The following MKI67 variants were observed in gnomAD, a reference collection of about 807,000 sequenced individuals.
MKI67 encodes proliferation marker protein Ki-67.
MKI67 carries 152 observed loss-of-function variants against 233.5 expected under a neutral mutation model. That is an observed-to-expected ratio of 0.65 (90% CI 0.57 to 0.74). MKI67 has a LOEUF of 0.74. Ranked by LOEUF, MKI67 falls within the 30% of genes least tolerant of loss-of-function variation. The probability of loss-of-function intolerance (pLI) is 0.00; values close to 1 mark genes in which losing one functional copy is unlikely to be tolerated. For synonymous variants in MKI67, 1,465 were observed against 1,418.5 expected (o/e 1.03, Z -0.74); for missense variants, 3,940 against 3,885.2 (o/e 1.01, Z -0.37).
Position 128,107,125 on chromosome 10 carries a change from T to C in MKI67, c.4715A>G (p.Lys1572Arg). The change falls in exon 13 of 15, where the codon AAG becomes AGG. Residue 1572 changes from lysine to arginine, a missense_variant. Coordinates refer to ENST00000368654, the MANE Select transcript of MKI67 (RefSeq NM_002417.5). ...TTCCTTAGGAGTTTGTAGCCGTCTC[T>C]TGCTGCCAGTTAAGTTCTCTGTCAG... ...LDLTENLTGS[K>R]RRLQTPKEKA... 2 of 1,613,558 alleles carry C rather than the reference T, an allele frequency of 1.2e-6. No homozygotes were observed. The highest frequency in any genetic ancestry group is 2.2e-5 in the East Asian group (1 of 44,798).
chr10:128,125,504 G>C lies in MKI67; in HGVS notation c.92+72C>G. 6 of 1,272,822 alleles carry C rather than the reference G, an allele frequency of 4.7e-6. No individual in the cohort carries two copies. Among genetic ancestry groups the C allele is most frequent in the Non-Finnish European group, 6.9e-6 (6 of 875,280 alleles). The allele number at this position is 1,272,822 out of a possible 1,614,324, so 78.8% of individuals were successfully genotyped here. On this transcript the variant is annotated intron_variant, in intron 2 of 14. Transcript: ENST00000368654. This position sits in a 1 kb window ranked among gnomAD's most constrained non-coding sequence, Gnocchi z 5.3. ...GGACCCAATCCTAGAGCGCGTTTCT[G>C]GACTTTATTCTGTGACTAAGGTATT...
chr10:128,109,318 A>G lies in MKI67; in HGVS notation c.2522T>C (p.Val841Ala). The change falls in exon 13 of 15, where the codon GTA (valine) becomes GCA (alanine). Residue 841 changes from valine (V) to alanine (A), a missense_variant. By Grantham distance (64) the Val-to-Ala change is moderately conservative (BLOSUM62 0). Transcript: ENST00000368654. Reference sequence around the variant, plus strand: ...GTAGGTGTTCCTGGGCGTTTTTGCTACGTTTCCATTTTCTCTAATACACTG... The same window carrying G: ...GTAGGTGTTCCTGGGCGTTTTTGCTGCGTTTCCATTTTCTCTAATACACTG... ...RRQCIRENGN[V>A]AKTPRNTYKM... 6.2e-7 allele frequency: 1 copy of G among 1,614,146 alleles called. No homozygotes were observed. Among genetic ancestry groups the G allele is most frequent in the Non-Finnish European group, 8.5e-7 (1 of 1,180,024 alleles).
Position 128,106,405 on chromosome 10 carries a change from A to G in MKI67, c.5435T>C (p.Leu1812Ser), listed in dbSNP as rs770595660. Residue 1812 changes from leucine (L) to serine (S), a missense_variant, in exon 13 of 15, where the codon TTA (leucine) becomes TCA (serine). Coordinates refer to ENST00000368654, the MANE Select transcript of MKI67 (RefSeq NM_002417.5). ...PVQKLDQPGNLPGSNRRLQTR... is the reference protein window; with the variant it reads ...PVQKLDQPGNSPGSNRRLQTR... ...TTGTAGCCGTCTATTGCTGCCAGGT[A>G]AATTTCCTGGCTGGTCCAGTTTCTG... 68 of 1,612,766 alleles carry G rather than the reference A, an allele frequency of 4.2e-5. No homozygotes were observed. The highest frequency in any genetic ancestry group is 5.7e-5 in the Non-Finnish European group (67 of 1,179,780).
At chr10:128,109,536 AACG>A in intron 12 of MKI67, 113 bp from the exon 13 acceptor site, 2 of 1,156,974 alleles carry the variant, frequency 1.7e-6, no homozygotes, top group Non-Finnish European at 2.4e-6. Context: ...GTATTCACTG[AACG>A]ACATGAGGCT....
At position 128,105,810 on chromosome 10, in the gene MKI67, T is replaced by C. The variant is rs1197242956; in HGVS notation, c.6030A>G (p.Glu2010=). Residue 2010 remains glutamate (E), a synonymous_variant, in exon 13 of 15, where the codon GAA becomes GAG. Coordinates refer to ENST00000368654, the MANE Select transcript of MKI67 (RefSeq NM_002417.5). ...TGAGCTTGCCGACTGGTAGGACCTC[T>C]TCTTTCACACCTACTTTCCCCAAGG... ...KISLGKVGVK[E]EVLPVGKLTQ... 3.1e-6 allele frequency: 5 copies of C among 1,614,220 alleles called. No individual in the cohort carries two copies. The Admixed American group carries it at 8.3e-5, about 27-fold the overall frequency.
intron 11 of MKI67, 52 bp from the exon 12 acceptor site, chr10:128,110,585 C>CA (rs1480565915): frequency 7.1e-7 from 1 of 1,412,542 alleles, no homozygotes; most frequent in Non-Finnish European, 9.7e-7. Flanking sequence ...AACATGCAGA[C>CA]AACCATCCCA....
At chr10:128,113,182 G>T (rs1485671109) in intron 8 of MKI67, among the ~76,000 whole-genome samples, 3 of 150,658 alleles carry the variant, frequency 2.0e-5, no homozygotes, top group African/African-American at 7.3e-5. Flanking sequence ...GGGAACTTCT[G>T]CACGAAAAGG....
At position 128,108,626 on chromosome 10, in the gene MKI67, GA is replaced by G; in HGVS notation, c.3213del (p.Pro1072GlnfsTer11). The G allele has an allele frequency of 6.2e-7, 1 of 1,614,170 alleles. No homozygotes were observed. The highest frequency in any genetic ancestry group is 8.5e-7 in the Non-Finnish European group (1 of 1,180,022). ...GCTGCTGGGTCCAGGATCTGCTTTG[GA>G]GACTCCTTAAACGTTCTGATGCTCT... ...DGKSIRTFKE[S>X]PKQILDPAAR... On this transcript the variant is annotated frameshift_variant, in exon 13 of 15. Transcript: ENST00000368654. LOFTEE classifies it high-confidence loss of function.
intron 13 of MKI67, among the ~76,000 whole-genome samples, chr10:128,101,910 C>G (rs1469388249): frequency 1.3e-5 from 2 of 152,044 alleles, no homozygotes; most frequent in Non-Finnish European, 2.9e-5. Context: ...TCTCTGCTGA[C>G]AAATTATAAA....
At position 128,102,799 on chromosome 10, in the gene MKI67, C is replaced by T. The variant is rs761903387; in HGVS notation, c.9041G>A (p.Cys3014Tyr). Residue 3014 changes from cysteine (C) to tyrosine (Y), a missense_variant, in exon 13 of 15, where the codon TGC (cysteine) becomes TAC (tyrosine). Transcript: ENST00000368654. ...GSVTGTKRLR[C>Y]MPAPEEIVEE... ...CACAATTTCCTCTGGTGCTGGCATGCAGCGCAGCCTCTTGGTTCCCGTGAC... is the reference window on the plus strand; with the variant it reads ...CACAATTTCCTCTGGTGCTGGCATGTAGCGCAGCCTCTTGGTTCCCGTGAC... 5.0e-6 allele frequency: 8 copies of T among 1,614,232 alleles called. No individual in the cohort carries two copies. The highest frequency in any genetic ancestry group is 6.8e-6 in the Non-Finnish European group (8 of 1,180,044).
At chr10:128,111,187 C>T (rs1852667089) in intron 11 of MKI67, among the ~76,000 whole-genome samples, 1 of 152,168 alleles carries the variant, frequency 6.6e-6, no homozygotes, top group Non-Finnish European at 1.5e-5. Context: ...AATATTTCTT[C>T]AACAATCGTT....
Position 128,105,764 on chromosome 10 carries a change from T to C in MKI67, c.6076A>G (p.Thr2026Ala). The change falls in exon 13 of 15, where the codon ACA becomes GCA. Residue 2026 changes from threonine to alanine, a missense_variant. Coordinates refer to ENST00000368654, the MANE Select transcript of MKI67 (RefSeq NM_002417.5). Reference protein sequence around the residue: ...GKLTQTSGKTTQTHRETAGDG... With the variant: ...GKLTQTSGKTAQTHRETAGDG... ...CCTGCTGTCTCTCTGTGTGTCTGTG[T>C]GGTCTTCCCTGACGTCTGTGTGAGC... 1.2e-6 allele frequency: 2 copies of C among 1,614,208 alleles called. No homozygotes were observed. Among genetic ancestry groups the C allele is most frequent in the Non-Finnish European group, 1.7e-6 (2 of 1,180,038 alleles).
At chr10:128,126,020 G>A (rs953174907) in intron 1 of MKI67, 79 bp downstream of exon 1, 3 of 307,594 alleles carry the variant, frequency 9.8e-6, no homozygotes, top group African/African-American at 2.3e-5. Context: ...TCCCCTGCCC[G>A]TCCCCGCAGA....
In MKI67 at chr10:128,111,963, T is replaced by C. The variant is rs1336893237; in HGVS notation, c.2052A>G (p.Ser684=). 6.2e-7 allele frequency: 1 copy of C among 1,613,576 alleles called. No individual in the cohort carries two copies. The highest frequency in any genetic ancestry group is 1.1e-5 in the South Asian group (1 of 90,812). ...TKVIKHGPQR[S]MNKRQRRPAT... ...CAGGTCTTCTTTGCCTTTTGTTCATTGACCTTTGAGGACCATGTTTTATGA... is the reference window on the plus strand; with the variant it reads ...CAGGTCTTCTTTGCCTTTTGTTCATCGACCTTTGAGGACCATGTTTTATGA... The change falls in exon 10 of 15, where the codon TCA becomes TCG. Residue 684 remains serine, a synonymous_variant. Coordinates refer to ENST00000368654, the MANE Select transcript of MKI67 (RefSeq NM_002417.5).
intron 4 of MKI67, among the ~76,000 whole-genome samples, chr10:128,121,401 T>C (rs963286145): frequency 1.6e-4 from 23 of 142,990 alleles, no homozygotes; most frequent in Admixed American, 5.1e-4. Flanking sequence ...ATATTGTATA[T>C]ATATTGTATA....
At chr10:128,116,560 A>G (rs1303740653) in intron 5 of MKI67, 24 bp from the exon 6 acceptor site, 5 of 1,596,020 alleles carry the variant, frequency 3.1e-6, no homozygotes, top group Non-Finnish European at 4.3e-6. Flanking sequence ...AAATAAGAAC[A>G]GTTATTTGCA....
At chr10:128,123,289 G>C in intron 2 of MKI67, 120 bp from the exon 3 acceptor site, 3 of 715,758 alleles carry the variant, frequency 4.2e-6, no homozygotes, top group Non-Finnish European at 7.3e-6. Flanking sequence ...ACATAAAGGA[G>C]TAACAAACAA....
Position 128,125,803 on chromosome 10 carries a change from G to T in MKI67, c.-89-47C>A, listed in dbSNP as rs754531743. On this transcript the variant is annotated intron_variant, in intron 1 of 14. Coordinates refer to ENST00000368654, the MANE Select transcript of MKI67 (RefSeq NM_002417.5). This position sits in a 1 kb window ranked among gnomAD's most constrained non-coding sequence, Gnocchi z 5.3. ...CTCTGATAGCAAAGGAGCTAAGAAGGGCCCCGTGCCCAATTCACCTATCCC... is the reference window on the plus strand; with the variant it reads ...CTCTGATAGCAAAGGAGCTAAGAAGTGCCCCGTGCCCAATTCACCTATCCC... 3.4e-5 allele frequency: 26 copies of T among 762,228 alleles called. No homozygotes were observed. The South Asian group carries it at 3.7e-4, about 11-fold the overall frequency. 47.2% of individuals were successfully genotyped at this position (762,228 alleles called of 1,614,324 possible).
In MKI67 at chr10:128,108,503, C is replaced by T; in HGVS notation, c.3337G>A (p.Gly1113Ser). Residue 1113 changes from glycine (G) to serine (S), a missense_variant, in exon 13 of 15, where the codon GGT becomes AGT. Physicochemically the swap from Gly to Ser is moderately conservative, Grantham distance 56 (BLOSUM62 0). Transcript: ENST00000368654. ...AGFKELFQTP[G>S]PSEESMTDEK... Reference sequence around the variant, plus strand: ...TCAGTCATTGATTCCTCAGAGGGACCTGGTGTCTGGAAGAGCTCTTTGAAG... The same window carrying T: ...TCAGTCATTGATTCCTCAGAGGGACTTGGTGTCTGGAAGAGCTCTTTGAAG... The T allele has an allele frequency of 6.2e-7, 1 of 1,614,052 alleles. No homozygotes were observed. The highest frequency in any genetic ancestry group is 1.1e-5 in the South Asian group (1 of 91,080).
Sources: allele counts gnomAD v4.1 joint callset (sites outside exome capture counted in the v4.1 genomes callset), GRCh38; gene constraint gnomAD v4.1.1; non-coding constraint Gnocchi (gnomAD v3.1); transcripts MANE v1.5; gene names NCBI Gene and HGNC (gene_info 2026-07-23, HGNC 2026-07-21).